EPB41L2: variants seen among roughly 807,000 people sequenced by gnomAD.
The protein encoded by EPB41L2 is band 4.1-like protein 2.
Under a neutral mutation model 113.0 loss-of-function variants are expected in EPB41L2, and 43 were observed. The ratio of observed to expected loss-of-function variants is 0.38; its 90% CI spans 0.30 to 0.49. The LOEUF is 0.49. Among genes scored for constraint, EPB41L2 ranks in the 20% least tolerant of loss-of-function variants. EPB41L2 has a pLI of 0.95. For synonymous variants in EPB41L2, 442 were observed against 436.7 expected (o/e 1.01, Z -0.15); for missense variants, 1,147 against 1,223.4 (o/e 0.94, Z 0.93).
chr6:131,011,742 G>A (rs868866345), intron 1 of EPB41L2, among the ~76,000 whole-genome samples: 11 of 152,278 alleles, frequency 7.2e-5, no homozygotes, highest in Middle Eastern at 3.4e-3. Context: ...ATAGGCAGTC[G>A]ACTACCGTGG....
chr6:130,964,429 T>G (rs1774462836), intron 1 of EPB41L2, among the ~76,000 whole-genome samples: 1 of 152,082 alleles, frequency 6.6e-6, no homozygotes, highest in Non-Finnish European at 1.5e-5. Flanking sequence ...TCAGCTCTGC[T>G]TATTAGCCAT....
intron 17 of EPB41L2, among the ~76,000 whole-genome samples, chr6:130,864,402 G>C (rs1040184833): frequency 2.5e-4 from 38 of 152,230 alleles, no homozygotes; most frequent in Non-Finnish European, 1.5e-4. Flanking sequence ...CCCTGCGTAA[G>C]TAGTCATACA....
chr6:130,856,070 A>T (rs1253516869), intron 19 of EPB41L2, among the ~76,000 whole-genome samples: 1 of 152,202 alleles, frequency 6.6e-6, no homozygotes, highest in East Asian at 1.9e-4. Flanking sequence ...TCTTCAATAC[A>T]GTGCTGGAAT....
At chr6:130,859,992 G>A (rs957532323) in intron 18 of EPB41L2, among the ~76,000 whole-genome samples, 8 of 152,174 alleles carry the variant, frequency 5.3e-5, no homozygotes, top group Non-Finnish European at 1.2e-4. Context: ...GCAGGTATCT[G>A]GTTCCAGGGA....
rs1371015211 is a variant in EPB41L2 at position 130,870,259 on chromosome 6, G to C, written c.2044-133C>G. 7 of 1,537,564 alleles carry C rather than the reference G, an allele frequency of 4.6e-6. No homozygotes were observed. In the Admixed American group the frequency reaches 1.2e-4, roughly 26 times the overall value. On this transcript the variant is annotated intron_variant, in intron 14 of 19. Coordinates refer to ENST00000337057, the MANE Select transcript of EPB41L2 (RefSeq NM_001431.4). Reference sequence around the variant, plus strand: ...ATGATTATGATGGCTGACTGAAAGGGAAGCGGGGCAAACGTGAGGGCAATG... The same window carrying C: ...ATGATTATGATGGCTGACTGAAAGGCAAGCGGGGCAAACGTGAGGGCAATG...
At chr6:130,938,974 T>C (rs1043477523) in intron 3 of EPB41L2, among the ~76,000 whole-genome samples, 1 of 152,042 alleles carries the variant, frequency 6.6e-6, no homozygotes, top group Non-Finnish European at 1.5e-5. Flanking sequence ...CACCTGGATA[T>C]CATCATGGAA....
At chr6:131,059,141 G>A (rs1208723622) in intron 1 of EPB41L2, among the ~76,000 whole-genome samples, 2 of 118,252 alleles carry the variant, frequency 1.7e-5, no homozygotes, top group Non-Finnish European at 3.3e-5. Context: ...TTGAGATGGA[G>A]TCTGGCTCTG....
At chr6:130,884,722 G>A (rs1790382292) in intron 12 of EPB41L2, among the ~76,000 whole-genome samples, 1 of 152,148 alleles carries the variant, frequency 6.6e-6, no homozygotes, top group Non-Finnish European at 1.5e-5. Flanking sequence ...CTTTGGTGAT[G>A]TAAAAAAATT....
At chr6:130,992,174 A>T (rs893038525) in intron 1 of EPB41L2, among the ~76,000 whole-genome samples, 16 of 152,234 alleles carry the variant, frequency 1.1e-4, no homozygotes, top group African/African-American at 3.9e-4. Flanking sequence ...ATTTGCGAAA[A>T]GATTCACACT....
intron 1 of EPB41L2, among the ~76,000 whole-genome samples, chr6:131,048,220 A>G (rs912948724): frequency 2.6e-5 from 4 of 152,050 alleles, no homozygotes; most frequent in Admixed American, 1.3e-4. Flanking sequence ...CAGGATTCAT[A>G]GGAAAAAAAA....
chr6:130,911,890 T>C (rs1014278347), intron 4 of EPB41L2, among the ~76,000 whole-genome samples: 2 of 138,624 alleles, frequency 1.4e-5, no homozygotes, highest in African/African-American at 6.3e-5. Context: ...CAAAATAATA[T>C]AACAGGGGTC....
intron 1 of EPB41L2, among the ~76,000 whole-genome samples, chr6:131,034,142 A>G (rs2128174468): frequency 6.6e-6 from 1 of 152,330 alleles, no homozygotes; most frequent in African/African-American, 2.4e-5. Flanking sequence ...TACAAGGTGT[A>G]ATACTACTGC....
intron 11 of EPB41L2, 85 bp downstream of exon 11, chr6:130,890,209 G>C: frequency 7.2e-7 from 1 of 1,391,088 alleles, no homozygotes; most frequent in South Asian, 1.7e-5. Context: ...ATTTCTGGTG[G>C]CTTTATTAAC....
At chr6:131,002,397 G>T (rs893699215) in intron 1 of EPB41L2, among the ~76,000 whole-genome samples, 3 of 152,174 alleles carry the variant, frequency 2.0e-5, no homozygotes, top group African/African-American at 7.2e-5. Context: ...TTGTCCCTGA[G>T]GAGCTGATAA....
chr6:130,926,857 T>G (rs960266561), intron 3 of EPB41L2, 148 bp from the exon 4 acceptor site: 2 of 573,024 alleles, frequency 3.5e-6, no homozygotes, highest in Non-Finnish European at 5.8e-6. Flanking sequence ...AAGTGATTAA[T>G]TTTTTAACTT....
At chr6:130,853,552 C>T (rs1779361773) in intron 19 of EPB41L2, among the ~76,000 whole-genome samples, 1 of 152,206 alleles carries the variant, frequency 6.6e-6, no homozygotes, top group African/African-American at 2.4e-5. Flanking sequence ...GTGAAGTCCT[C>T]ATCTGAAGTG....
chr6:130,994,430 T>C (rs959645835), intron 1 of EPB41L2, among the ~76,000 whole-genome samples: 2 of 152,106 alleles, frequency 1.3e-5, no homozygotes. Context: ...GGGGAAAACC[T>C]AACGCTGGGA....
chr6:130,893,740 A>T lies in EPB41L2; in HGVS notation c.1487+604T>A, dbSNP rs759728446. ...CAGGACACAGGACTAATCCAGGACT[A>T]GCAGACAGAGAAGGTAAATGTGCAA... On this transcript the variant is annotated intron_variant, in intron 10 of 19. Transcript: ENST00000337057. Among the ~76,000 whole-genome samples, 183 of 152,252 alleles carry T rather than the reference A, an allele frequency of 1.2e-3. 1 individual carries two copies. Among genetic ancestry groups the T allele is most frequent in the Non-Finnish European group, 1.6e-3 (111 of 68,046 alleles).
intron 4 of EPB41L2, among the ~76,000 whole-genome samples, chr6:130,924,644 T>C (rs1307127302): frequency 6.6e-6 from 1 of 152,054 alleles, no homozygotes; most frequent in East Asian, 1.9e-4. Context: ...CCTCCCAAAG[T>C]GCTGGGATTA....
Sources: gnomAD v4.1 joint callset for allele counts (sites outside exome capture counted in the v4.1 genomes callset) on GRCh38, gnomAD v4.1.1 for gene constraint, MANE v1.5 for transcripts, NCBI Gene and HGNC (gene_info 2026-07-23, HGNC 2026-07-21) for gene names.